COL22A1: variants seen among roughly 807,000 people sequenced by gnomAD.
The protein encoded by COL22A1 is collagen type XXII alpha 1 chain, also known as collagen alpha-1(XXII) chain.
COL22A1 carries 221 observed loss-of-function variants against 248.9 expected under a neutral mutation model. The observed-to-expected ratio is 0.89, with a 90% CI of 0.80 to 0.99. The LOEUF is 0.99. COL22A1 is among the 50% of genes least tolerant of loss of function. The pLI, the probability that COL22A1 is intolerant of heterozygous loss-of-function variation, is 0.00. For missense variants in COL22A1, 2,240 were observed against 2,179.0 expected (o/e 1.03, Z -0.56); for synonymous variants, 891 against 793.4 (o/e 1.12, Z -2.07).
chr8:138,721,928 C>G, intron 26 of COL22A1, 108 bp downstream of exon 26: 2 of 879,692 alleles, frequency 2.3e-6, no homozygotes, highest in South Asian at 1.4e-5. Flanking sequence ...GAATCCTGAT[C>G]GAAGACCCAG....
chr8:138,889,128 A>T (rs1292295940), intron 1 of COL22A1, among the ~76,000 whole-genome samples: 3 of 152,186 alleles, frequency 2.0e-5, no homozygotes, highest in African/African-American at 7.2e-5. Context: ...GAGGACACTG[A>T]GGTGGAGAGA....
chr8:138,718,819 T>C (rs1829645207), intron 27 of COL22A1, among the ~76,000 whole-genome samples: 1 of 152,218 alleles, frequency 6.6e-6, no homozygotes, highest in Admixed American at 6.5e-5. Flanking sequence ...AGTAGGCTTC[T>C]CTGAATCTTT....
chr8:138,597,769 C>T (rs1817661492), intron 61 of COL22A1, among the ~76,000 whole-genome samples: 1 of 152,172 alleles, frequency 6.6e-6, no homozygotes, highest in African/African-American at 2.4e-5. Context: ...CTATGTTAGT[C>T]CCAGTATTCT....
At chr8:138,715,858 G>C in intron 29 of COL22A1, 123 bp from the exon 30 acceptor site, 2 of 724,260 alleles carry the variant, frequency 2.8e-6, no homozygotes. Context: ...TCTCTCACTT[G>C]TCCTTGCCTT....
chr8:138,787,943 A>G (rs116064243), intron 12 of COL22A1, among the ~76,000 whole-genome samples: 1 of 152,194 alleles, frequency 6.6e-6, no homozygotes, highest in Admixed American at 6.5e-5. Context: ...GAAAGGAGAG[A>G]GCAAATATTT....
Position 138,878,336 on chromosome 8 carries a change from G to A in COL22A1, c.92-20C>T. On this transcript the variant is annotated intron_variant, in intron 2 of 64. Coordinates refer to ENST00000303045, the MANE Select transcript of COL22A1 (RefSeq NM_152888.3). ...TGCAACCTGCAGGGGTGAGAGAAGG[G>A]GTGGCGTAGGGCAAATGGGCATGGA... 1 of 1,494,766 alleles carries A rather than the reference G, an allele frequency of 6.7e-7. No individual in the cohort carries two copies. The allele number at this position is 1,494,766 out of a possible 1,614,324, so 92.6% of individuals were successfully genotyped here.
intron 22 of COL22A1, among the ~76,000 whole-genome samples, chr8:138,748,948 C>T (rs1371974783): frequency 2.0e-5 from 3 of 152,130 alleles, no homozygotes; most frequent in East Asian, 3.9e-4. Context: ...GGTGGGAGAT[C>T]ATTGAATCAT....
At chr8:138,841,950 G>C (rs4736296) in intron 4 of COL22A1, among the ~76,000 whole-genome samples, 75,973 of 152,044 alleles carry the variant, frequency 0.5, 20,893 homozygotes, top group Middle Eastern at 0.72. Context: ...AACTTTTGAT[G>C]GTTTGGGTAA....
chr8:138,825,462 CCT>C (rs1819506495), intron 6 of COL22A1, among the ~76,000 whole-genome samples: 2 of 152,198 alleles, frequency 1.3e-5, no homozygotes. Flanking sequence ...AATTTCTTAG[CCT>C]CTCTGTGGCT....
chr8:138,864,505 G>A (rs1822717437), intron 3 of COL22A1, among the ~76,000 whole-genome samples: 2 of 152,116 alleles, frequency 1.3e-5, no homozygotes. Flanking sequence ...CAAGGATGCT[G>A]TATTCAAACC....
At chr8:138,882,699 G>A (rs1175103377) in intron 2 of COL22A1, among the ~76,000 whole-genome samples, 36 of 131,662 alleles carry the variant, frequency 2.7e-4, no homozygotes, top group Admixed American at 2.6e-3. Flanking sequence ...CACACACTTT[G>A]TCAAACACAC....
intron 9 of COL22A1, among the ~76,000 whole-genome samples, chr8:138,810,396 A>G (rs1818112188): frequency 6.6e-6 from 1 of 152,180 alleles, no homozygotes; most frequent in Non-Finnish European, 1.5e-5. Context: ...TGCTTCTGTT[A>G]TTTCATTGAC....
At chr8:138,722,811 T>C (rs995178352) in intron 25 of COL22A1, among the ~76,000 whole-genome samples, 1 of 130,766 alleles carries the variant, frequency 7.6e-6, no homozygotes, top group African/African-American at 2.8e-5. Context: ...ATCTTCTCCT[T>C]TTCCTCTGTG....
At chr8:138,746,966 G>A (rs751483444) in intron 22 of COL22A1, among the ~76,000 whole-genome samples, 7 of 152,288 alleles carry the variant, frequency 4.6e-5, no homozygotes, top group African/African-American at 7.2e-5. Flanking sequence ...CTGCCACTGC[G>A]ACCCTCAAAA....
intron 23 of COL22A1, 27 bp downstream of exon 23, chr8:138,737,497 A>G: frequency 5.8e-6 from 9 of 1,542,724 alleles, no homozygotes; most frequent in Non-Finnish European, 8.1e-6. Context: ...CAGCGTTGCT[A>G]TGGAAGAGAA....
intron 12 of COL22A1, among the ~76,000 whole-genome samples, chr8:138,785,557 C>T (rs7836628): frequency 0.4 from 61,121 of 152,072 alleles, 15,965 homozygotes; most frequent in African/African-American, 0.75. Context: ...CGATGGCACG[C>T]CCTCGAATGA....
chr8:138,751,771 C>G (rs1205097355), intron 21 of COL22A1, among the ~76,000 whole-genome samples: 1 of 152,106 alleles, frequency 6.6e-6, no homozygotes, highest in Non-Finnish European at 1.5e-5. Context: ...TGTAAGCATC[C>G]AACAGCTTGC....
intron 3 of COL22A1, among the ~76,000 whole-genome samples, chr8:138,858,589 A>C (rs780929729): frequency 3.3e-5 from 5 of 152,084 alleles, no homozygotes; most frequent in African/African-American, 4.8e-5. Context: ...GGTGCCAAGC[A>C]AAACATTTCC....
chr8:138,775,509 C>CA (rs1814358852), intron 16 of COL22A1, among the ~76,000 whole-genome samples: 1 of 152,184 alleles, frequency 6.6e-6, no homozygotes, highest in South Asian at 2.1e-4. Flanking sequence ...GACTGTGGCT[C>CA]AAATGCAGGT....
Sources: allele counts gnomAD v4.1 joint callset (sites outside exome capture counted in the v4.1 genomes callset), GRCh38; gene constraint gnomAD v4.1.1; transcripts MANE v1.5; gene names NCBI Gene and HGNC (gene_info 2026-07-23, HGNC 2026-07-21).